The following MEMO1 variants were observed in gnomAD, a reference collection of about 807,000 sequenced individuals.
The protein encoded by MEMO1 is protein MEMO1.
MEMO1 carries 6 observed loss-of-function variants against 45.2 expected under a neutral mutation model. The ratio of observed to expected loss-of-function variants is 0.13; its 90% CI spans 0.07 to 0.26. MEMO1 has a LOEUF of 0.26. Among genes scored for constraint, MEMO1 ranks in the 10% least tolerant of loss-of-function variants. The probability of loss-of-function intolerance (pLI) is 1.00; values close to 1 mark genes in which losing one functional copy is unlikely to be tolerated. For missense variants in MEMO1, 184 were observed against 370.5 expected (o/e 0.50, Z 4.13); for synonymous variants, 78 against 124.3 (o/e 0.63, Z 2.48).
chr2:31,938,026 G>A (rs1665128267), intron 3 of MEMO1, among the ~76,000 whole-genome samples: 1 of 152,080 alleles, frequency 6.6e-6, no homozygotes, highest in Admixed American at 6.5e-5. Context: ...GACACATACT[G>A]TCTCCTACAC....
intron 2 of MEMO1, among the ~76,000 whole-genome samples, chr2:31,979,835 T>C (rs1346236804): frequency 6.6e-6 from 1 of 152,118 alleles, no homozygotes; most frequent in South Asian, 2.1e-4. Flanking sequence ...CTCTGAACTG[T>C]AGCAGGGGCT....
At chr2:31,878,450 G>C (rs1674883939) in intron 8 of MEMO1, among the ~76,000 whole-genome samples, 1 of 151,998 alleles carries the variant, frequency 6.6e-6, no homozygotes, top group Non-Finnish European at 1.5e-5. Flanking sequence ...ACCAGGGTAG[G>C]TCTAAGAAGA....
chr2:31,959,880 A>G (rs1471203219), intron 2 of MEMO1, among the ~76,000 whole-genome samples: 1 of 152,214 alleles, frequency 6.6e-6, no homozygotes, highest in East Asian at 1.9e-4. Context: ...ACTGCACTCA[A>G]ATAGCAAACA....
At chr2:31,987,373 T>C (rs933486913) in intron 2 of MEMO1, among the ~76,000 whole-genome samples, 1 of 152,156 alleles carries the variant, frequency 6.6e-6, no homozygotes, top group South Asian at 2.1e-4. Flanking sequence ...TAGGTAGGCA[T>C]AGGCCATATC....
intron 4 of MEMO1, among the ~76,000 whole-genome samples, chr2:31,923,268 T>TCCC: frequency 6.6e-6 from 1 of 152,192 alleles, no homozygotes; most frequent in African/African-American, 2.4e-5. Flanking sequence ...GTATGTATCT[T>TCCC]CTTTTGAAAA....
chr2:31,918,148 A>T (rs1285329107), intron 5 of MEMO1, 111 bp from the exon 6 acceptor site: 16 of 531,294 alleles, frequency 3.0e-5, no homozygotes, highest in Non-Finnish European at 4.3e-5. Flanking sequence ...AGACAGAAAC[A>T]CCATATAATA....
At chr2:32,008,856 T>A (rs1674432806) in intron 2 of MEMO1, among the ~76,000 whole-genome samples, 1 of 152,326 alleles carries the variant, frequency 6.6e-6, no homozygotes, top group South Asian at 2.1e-4. Flanking sequence ...GTAAGGTACA[T>A]GTATTTAATG....
chr2:31,886,738 C>A (rs1056742768), intron 7 of MEMO1, among the ~76,000 whole-genome samples: 1 of 152,072 alleles, frequency 6.6e-6, no homozygotes, highest in African/African-American at 2.4e-5. Context: ...GACTTTTGTA[C>A]TTTTTAAGTA....
chr2:32,009,551 G>T (rs1420838309), intron 2 of MEMO1, among the ~76,000 whole-genome samples: 2 of 152,208 alleles, frequency 1.3e-5, no homozygotes, highest in Non-Finnish European at 2.9e-5. Context: ...AAAGGTGCGG[G>T]GAAACGCTGC....
chr2:31,985,611 A>C (rs13403364), intron 2 of MEMO1, among the ~76,000 whole-genome samples: 149,278 of 152,334 alleles, frequency 0.98, 73,164 homozygotes, highest in Middle Eastern at 1. Context: ...CAGGCGTGAG[A>C]CACCACACCC....
At chr2:31,977,192 A>G (rs1401811062) in intron 2 of MEMO1, among the ~76,000 whole-genome samples, 2 of 152,168 alleles carry the variant, frequency 1.3e-5, no homozygotes, top group Non-Finnish European at 2.9e-5. Context: ...TCAGTTCATG[A>G]AACAAAAACC....
intron 2 of MEMO1, among the ~76,000 whole-genome samples, chr2:31,961,965 A>G (rs1211930637): frequency 6.6e-6 from 1 of 152,110 alleles, no homozygotes; most frequent in Non-Finnish European, 1.5e-5. Flanking sequence ...TGACGACTCT[A>G]AGACCAAGTC....
intron 7 of MEMO1, among the ~76,000 whole-genome samples, chr2:31,887,787 C>T (rs17011673): frequency 0.14 from 21,422 of 152,010 alleles, 1,745 homozygotes; most frequent in African/African-American, 0.23. Flanking sequence ...GGTTAAGGTA[C>T]ATTTTAAGAA....
intron 3 of MEMO1, among the ~76,000 whole-genome samples, chr2:31,942,303 AAT>A (rs1436093834): frequency 6.6e-6 from 1 of 152,228 alleles, no homozygotes; most frequent in Non-Finnish European, 1.5e-5. Flanking sequence ...TACTATGCTT[AAT>A]ATATCTTTTT....
At chr2:31,888,376 G>T (rs531307112) in intron 7 of MEMO1, among the ~76,000 whole-genome samples, 1 of 152,042 alleles carries the variant, frequency 6.6e-6, no homozygotes, top group Non-Finnish European at 1.5e-5. Context: ...TGAAAATTAC[G>T]TTAATGAAAG....
At chr2:31,973,033 C>G (rs1014103448) in intron 2 of MEMO1, among the ~76,000 whole-genome samples, 29 of 152,234 alleles carry the variant, frequency 1.9e-4, no homozygotes, top group Admixed American at 9.8e-4. Flanking sequence ...AGACTAGAAT[C>G]CTCATATATT....
At position 31,975,968 on chromosome 2, in the gene MEMO1, C is replaced by A. The variant is rs187165929; in HGVS notation, c.62-32585G>T. Reference sequence around the variant, plus strand: ...GGAATACAGTGGCACAATCTCAGCTCACCGTAACCTCTCCCAGATTCAAGT... The same window carrying A: ...GGAATACAGTGGCACAATCTCAGCTAACCGTAACCTCTCCCAGATTCAAGT... On this transcript the variant is annotated intron_variant, in intron 2 of 9. Transcript: ENST00000404530. 9.8e-4 allele frequency among the ~76,000 whole-genome samples: 149 copies of A among 152,254 alleles called. 1 individual carries two copies. The highest frequency in any genetic ancestry group is 3.5e-3 in the African/African-American group (147 of 41,540).
intron 2 of MEMO1, among the ~76,000 whole-genome samples, chr2:31,998,747 T>G (rs192229270): frequency 6.7e-6 from 1 of 149,076 alleles, no homozygotes; most frequent in African/African-American, 2.5e-5. Context: ...TTGCAGTGAG[T>G]AGAGATCATG....
At chr2:31,945,784 A>T (rs900499342) in intron 2 of MEMO1, among the ~76,000 whole-genome samples, 2 of 152,246 alleles carry the variant, frequency 1.3e-5, no homozygotes, top group Non-Finnish European at 2.9e-5. Flanking sequence ...TCATAAAGAT[A>T]TGAGTTCATT....
Sources: allele counts gnomAD v4.1 joint callset (sites outside exome capture counted in the v4.1 genomes callset), GRCh38; gene constraint gnomAD v4.1.1; transcripts MANE v1.5; gene names NCBI Gene and HGNC (gene_info 2026-07-23, HGNC 2026-07-21).